Variants in SOD1 observed in about 807,000 individuals in gnomAD.
The protein encoded by SOD1 is superoxide dismutase [Cu-Zn].
In SOD1, 8 loss-of-function variants were observed where a neutral mutation model predicts 15.9. That is an observed-to-expected ratio of 0.50 (90% confidence interval 0.30 to 0.91). The LOEUF is 0.91. Among genes scored for constraint, SOD1 ranks in the 40% least tolerant of loss-of-function variants. The probability of loss-of-function intolerance (pLI) is 0.07; values close to 1 mark genes in which losing one functional copy is unlikely to be tolerated. For synonymous variants in SOD1, 86 were observed against 71.2 expected (o/e 1.21, Z -1.04); for missense variants, 137 against 194.5 (o/e 0.70, Z 1.76).
intron 4 of SOD1, 44 bp downstream of exon 4, chr21:31,667,419 AC>A: frequency 1.6e-6 from 2 of 1,258,648 alleles, no homozygotes; most frequent in Non-Finnish European, 2.3e-6. Flanking sequence ...CTTCTAACAT[AC>A]AGTCATGTAT....
At chr21:31,666,941 A>C in intron 3 of SOD1, 1 of 415,842 alleles carries the variant, frequency 2.4e-6, no homozygotes, top group Non-Finnish European at 4.4e-6. Flanking sequence ...CTTTCAGAAA[A>C]ATATTAAATT....
At position 31,668,646 on chromosome 21, in the gene SOD1, C is replaced by A; in HGVS notation, c.*68C>A. 8.7e-7 allele frequency: 1 copy of A among 1,150,728 alleles called. No homozygotes were observed. The highest frequency in any genetic ancestry group is 1.3e-6 in the Non-Finnish European group (1 of 758,878). 71.3% of individuals were successfully genotyped at this position (1,150,728 alleles called of 1,614,324 possible). On this transcript the variant is annotated 3_prime_UTR_variant, in exon 5 of 5. Coordinates refer to ENST00000270142, the MANE Select transcript of SOD1 (RefSeq NM_000454.5). ...TATCCTGCTAGCTGTAGAAATGTAT[C>A]CTGATAAACATTAAACACTGTAATC... is the stretch of plus-strand genomic sequence containing the variant.
chr21:31,664,278 C>A, intron 2 of SOD1: 1 of 271,502 alleles, frequency 3.7e-6, no homozygotes, highest in Non-Finnish European at 7.3e-6. Flanking sequence ...TGGGAAAACC[C>A]TCAACTTTTC....
chr21:31,666,782 C>G (rs1163571951), intron 3 of SOD1: 3 of 513,390 alleles, frequency 5.8e-6, no homozygotes, highest in Non-Finnish European at 1.1e-5. Context: ...CAAAGGGGAA[C>G]TAATACAGGA....
intron 3 of SOD1, chr21:31,666,959 A>G (rs2049598773): frequency 2.3e-6 from 1 of 436,574 alleles, no homozygotes; most frequent in Non-Finnish European, 4.1e-6. Context: ...ATTTAAGGAC[A>G]AGATTTTTAT....
intron 2 of SOD1, among the ~76,000 whole-genome samples, chr21:31,664,842 T>A (rs1485099459): frequency 6.6e-6 from 1 of 152,020 alleles, no homozygotes; most frequent in Non-Finnish European, 1.5e-5. Context: ...ATGGTCTCTC[T>A]CCTGACCTCG....
In SOD1 at chr21:31,665,573, C is replaced by T. The variant is rs1373207802; in HGVS notation, c.170-876C>T. On this transcript the variant is annotated intron_variant, in intron 2 of 4. Coordinates refer to ENST00000270142, the MANE Select transcript of SOD1 (RefSeq NM_000454.5). ...GGGTGAGAGCGTGGCTGAAGACAGCCGTGTTATGAAAGGGCCTCCTGTGCT... is the reference window on the plus strand; with the variant it reads ...GGGTGAGAGCGTGGCTGAAGACAGCTGTGTTATGAAAGGGCCTCCTGTGCT... Among the ~76,000 whole-genome samples, 6 of 152,126 alleles carry T rather than the reference C, an allele frequency of 3.9e-5. No homozygotes were observed. The South Asian group carries it at 8.3e-4, about 21-fold the overall frequency.
intron 3 of SOD1, 59 bp downstream of exon 3, chr21:31,666,577 T>C: frequency 2.5e-6 from 3 of 1,205,564 alleles, no homozygotes; most frequent in South Asian, 1.2e-5. Context: ...TCATATGGTA[T>C]ACTACTTGTA....
At chr21:31,661,827 T>TTATCC (rs2049551170) in intron 1 of SOD1, 1 of 152,288 alleles carries the variant, frequency 6.6e-6, no homozygotes, top group African/African-American at 2.4e-5. Context: ...AGAATGAGCC[T>TTATCC]TGGATAGTGG....
intron 1 of SOD1, chr21:31,660,611 T>G (rs543133889): frequency 5.9e-5 from 9 of 152,140 alleles, no homozygotes; most frequent in Non-Finnish European, 1.2e-4. Context: ...GCAGTGATCT[T>G]AACTTTGGGT....
intron 3 of SOD1, 200 bp downstream of exon 3, chr21:31,666,718 CT>C (rs936181614): frequency 2.1e-5 from 13 of 617,920 alleles, no homozygotes; most frequent in Non-Finnish European, 3.7e-5. Flanking sequence ...AATGGGGACA[CT>C]TAAAACGATT....
At chr21:31,663,326 C>G (rs4816406) in intron 1 of SOD1, among the ~76,000 whole-genome samples, 1 of 151,920 alleles carries the variant, frequency 6.6e-6, no homozygotes, top group Non-Finnish European at 1.5e-5. Flanking sequence ...GGCGACAGAG[C>G]GAGACTCTTG....
Position 31,667,295 on chromosome 21 carries a change from G to C in SOD1, c.277G>C (p.Asp93His). 1.2e-6 allele frequency: 2 copies of C among 1,614,140 alleles called. No individual in the cohort carries two copies. The highest frequency in any genetic ancestry group is 2.2e-5 in the South Asian group (2 of 91,078). The change falls in exon 4 of 5, where the codon GAT (aspartate) becomes CAT (histidine). Residue 93 changes from aspartate (D) to histidine (H), a missense_variant. Physicochemically the swap from Asp to His is moderately conservative, Grantham distance 81. Coordinates refer to ENST00000270142, the MANE Select transcript of SOD1 (RefSeq NM_000454.5). Reference protein sequence around the residue: ...GDLGNVTADKDGVADVSIEDS... With the variant: ...GDLGNVTADKHGVADVSIEDS... Reference sequence around the variant, plus strand: ...CTTGGGCAATGTGACTGCTGACAAAGATGGTGTGGCCGATGTGTCTATTGA... The same window carrying C: ...CTTGGGCAATGTGACTGCTGACAAACATGGTGTGGCCGATGTGTCTATTGA...
intron 2 of SOD1, among the ~76,000 whole-genome samples, chr21:31,664,739 C>A (rs534749722): frequency 6.6e-6 from 1 of 152,078 alleles, no homozygotes; most frequent in South Asian, 2.1e-4. Flanking sequence ...CTGCCTCAGC[C>A]CCCTGAGTAG....
At chr21:31,660,656 T>C (rs895797217) in intron 1 of SOD1, 3 of 152,208 alleles carry the variant, frequency 2.0e-5, no homozygotes, top group African/African-American at 7.2e-5. Flanking sequence ...TTACTAAAAA[T>C]ACACCAGAGC....
intron 3 of SOD1, 144 bp from the exon 4 acceptor site, chr21:31,667,114 C>A (rs1276035099): frequency 1.4e-6 from 1 of 697,006 alleles, no homozygotes; most frequent in Middle Eastern, 2.6e-4. Flanking sequence ...AGACGTGAAG[C>A]CTTGTTTGAA....
chr21:31,666,945 T>A, intron 3 of SOD1: 1 of 417,368 alleles, frequency 2.4e-6, no homozygotes, highest in East Asian at 4.6e-5. Context: ...CAGAAAAATA[T>A]TAAATTTAAG....
chr21:31,666,940 A>C, intron 3 of SOD1: 1 of 415,476 alleles, frequency 2.4e-6, no homozygotes, highest in Admixed American at 3.9e-5. Context: ...CCTTTCAGAA[A>C]AATATTAAAT....
chr21:31,668,154 G>A (rs577604275), intron 4 of SOD1, among the ~76,000 whole-genome samples: 50 of 152,082 alleles, frequency 3.3e-4, no homozygotes, highest in African/African-American at 9.9e-4. Flanking sequence ...GAGTGACTGC[G>A]GAACTAAGGT....
Sources: gnomAD v4.1 joint callset for allele counts (sites outside exome capture counted in the v4.1 genomes callset) on GRCh38, gnomAD v4.1.1 for gene constraint, MANE v1.5 for transcripts, NCBI Gene and HGNC (gene_info 2026-07-23, HGNC 2026-07-21) for gene names.